The following EFCAB5 variants were observed in gnomAD, a reference collection of about 807,000 sequenced individuals.
EFCAB5 encodes EF-hand calcium-binding domain-containing protein 5.
EFCAB5 carries 131 observed loss-of-function variants against 167.9 expected under a neutral mutation model. That is an observed-to-expected ratio of 0.78 (90% confidence interval 0.68 to 0.90). The LOEUF is 0.90. Among genes scored for constraint, EFCAB5 ranks in the 40% least tolerant of loss-of-function variants. The probability of loss-of-function intolerance (pLI) is 0.00; values close to 1 mark genes in which losing one functional copy is unlikely to be tolerated. For missense variants in EFCAB5, 1,663 were observed against 1,745.2 expected, an observed-to-expected ratio of 0.95 and a Z score of 0.84; for synonymous variants, 574 against 602.8, an observed-to-expected ratio of 0.95 and a Z score of 0.70.
chr17:29,996,850 TTC>T (rs1284700124), intron 6 of EFCAB5, among the ~76,000 whole-genome samples: 1 of 152,188 alleles, frequency 6.6e-6, no homozygotes, highest in African/African-American at 2.4e-5. Context: ...CCTGGGGTCA[TTC>T]TCTGTTTCTC....
intron 3 of EFCAB5, among the ~76,000 whole-genome samples, chr17:29,944,851 A>G (rs1020975559): frequency 5.3e-5 from 8 of 151,556 alleles, no homozygotes; most frequent in Non-Finnish European, 1.2e-4. Flanking sequence ...TCAAACTCCC[A>G]ACCTCAGGTG....
intron 15 of EFCAB5, among the ~76,000 whole-genome samples, chr17:30,079,127 G>A (rs1277228593): frequency 6.6e-6 from 1 of 152,128 alleles, no homozygotes. Context: ...CTAATCCAGG[G>A]AACCTATGCC....
intron 14 of EFCAB5, among the ~76,000 whole-genome samples, chr17:30,067,306 G>T (rs1018173636): frequency 2.6e-5 from 4 of 152,068 alleles, no homozygotes; most frequent in African/African-American, 7.2e-5. Flanking sequence ...ACATTAAAAA[G>T]ATCATTCACA....
In EFCAB5 at chr17:30,053,291, AGTTGTGG is replaced by A; in HGVS notation, c.1339_1345del (p.Leu447GlufsTer20). 2 of 1,610,604 alleles carry A rather than the reference AGTTGTGG, an allele frequency of 1.2e-6. No homozygotes were observed. The highest frequency in any genetic ancestry group is 1.7e-6 in the Non-Finnish European group (2 of 1,177,950). Reference sequence around the variant, plus strand: ...GAATTTGAAGAGATAAACTTGACTGAGTTGTGGGGAGACATGGATAATCAGAAACACA... The same window carrying A: ...GAATTTGAAGAGATAAACTTGACTGAGGAGACATGGATAATCAGAAACACA... On this transcript the variant is annotated frameshift_variant, in exon 10 of 23. Transcript: ENST00000394835. LOFTEE classifies it high-confidence loss of function.
chr17:30,035,389 T>C (rs1034695283), intron 8 of EFCAB5, among the ~76,000 whole-genome samples: 5 of 152,214 alleles, frequency 3.3e-5, no homozygotes, highest in African/African-American at 4.8e-5. Flanking sequence ...TTTCTTCCCA[T>C]CATTCAAGCA....
At chr17:30,067,230 C>T (rs537525780) in intron 14 of EFCAB5, among the ~76,000 whole-genome samples, 3 of 152,236 alleles carry the variant, frequency 2.0e-5, no homozygotes, top group East Asian at 3.9e-4. Flanking sequence ...AATTATAAGC[C>T]GGTATCCCTA....
intron 1 of EFCAB5, among the ~76,000 whole-genome samples, chr17:29,932,646 G>A (rs2151504296): frequency 6.6e-6 from 1 of 151,146 alleles, no homozygotes; most frequent in East Asian, 2.0e-4. Flanking sequence ...TAGTAGATAT[G>A]GGGGTTTCAC....
chr17:29,954,547 C>T (rs1202577167), intron 3 of EFCAB5, among the ~76,000 whole-genome samples: 1 of 152,184 alleles, frequency 6.6e-6, no homozygotes, highest in Non-Finnish European at 1.5e-5. Context: ...GCCTAGATTT[C>T]AAGGATGTAT....
At chr17:29,962,539 T>G (rs2067740522) in intron 3 of EFCAB5, among the ~76,000 whole-genome samples, 1 of 151,868 alleles carries the variant, frequency 6.6e-6, no homozygotes, top group East Asian at 1.9e-4. Context: ...GATGTAATCA[T>G]AGCTCACTGC....
chr17:29,995,043 C>T (rs1472111229), intron 5 of EFCAB5, among the ~76,000 whole-genome samples: 3 of 152,134 alleles, frequency 2.0e-5, no homozygotes, highest in Non-Finnish European at 2.9e-5. Flanking sequence ...CTCATTGAAA[C>T]TCTCACAAAA....
rs181096010 is a variant in EFCAB5, at chr17:29,933,457, A to C, written c.-127+4128A>C. 5.1e-4 allele frequency among the ~76,000 whole-genome samples: 77 copies of C among 152,254 alleles called. 1 individual carries two copies. Among genetic ancestry groups the C allele is most frequent in the Admixed American group, 1.9e-3 (29 of 15,294 alleles). Reference sequence around the variant, plus strand: ...AGGTCTTCTGGTGAACTGAGAGAGGAGATATCTTCTAATAGAGTGAAGAGC... The same window carrying C: ...AGGTCTTCTGGTGAACTGAGAGAGGCGATATCTTCTAATAGAGTGAAGAGC... On this transcript the variant is annotated intron_variant, in intron 1 of 3. Transcript: ENST00000448319.
chr17:30,023,552 C>T (rs968956837), intron 7 of EFCAB5, among the ~76,000 whole-genome samples: 1 of 151,958 alleles, frequency 6.6e-6, no homozygotes, highest in African/African-American at 2.4e-5. Flanking sequence ...GCTTACCAAC[C>T]AAAAAGAGTC....
intron 18 of EFCAB5, among the ~76,000 whole-genome samples, chr17:30,085,594 G>T (rs1018315329): frequency 6.6e-6 from 1 of 152,046 alleles, no homozygotes; most frequent in Non-Finnish European, 1.5e-5. Flanking sequence ...GGTGGCGGGC[G>T]CCTGTCCCAG....
upstream of EFCAB5, among the ~76,000 whole-genome samples, chr17:29,940,604 A>G (rs1206844317): frequency 3.3e-5 from 5 of 152,210 alleles, no homozygotes; most frequent in Admixed American, 6.5e-5. Flanking sequence ...GAGCTATCAC[A>G]TAAATTTATT....
chr17:29,990,041 A>T (rs1163277037), intron 4 of EFCAB5, among the ~76,000 whole-genome samples: 1 of 152,134 alleles, frequency 6.6e-6, no homozygotes, highest in East Asian at 1.9e-4. Flanking sequence ...TGTGCTCCCC[A>T]TTGTGGTAAT....
rs751716437 is a variant in EFCAB5 at position 30,090,687 on chromosome 17, T to C, written c.3937+13T>C. ...AAATATATCTTAGGTATCGTTCATG[T>C]GGCATCAGTCTAAATTCACAGGTTT... is the stretch of plus-strand genomic sequence containing the variant. On this transcript the variant is annotated intron_variant, in intron 20 of 22. Transcript: ENST00000394835. 2 of 1,604,550 alleles carry C rather than the reference T, an allele frequency of 1.2e-6. No individual in the cohort carries two copies. The highest frequency in any genetic ancestry group is 1.7e-6 in the Non-Finnish European group (2 of 1,176,256).
chr17:29,987,884 G>A (rs2068323137), intron 4 of EFCAB5, among the ~76,000 whole-genome samples: 1 of 152,182 alleles, frequency 6.6e-6, no homozygotes, highest in Non-Finnish European at 1.5e-5. Flanking sequence ...CCCAGATGAA[G>A]TGAGAAAAGG....
At chr17:29,968,326 G>A (rs1039578854) in intron 3 of EFCAB5, 6 of 454,324 alleles carry the variant, frequency 1.3e-5, no homozygotes, top group African/African-American at 8.1e-5. Context: ...CTTTACCAGC[G>A]ATTGGTCTGG....
intron 22 of EFCAB5, among the ~76,000 whole-genome samples, chr17:30,097,825 C>G (rs1469498412): frequency 6.6e-6 from 1 of 151,972 alleles, no homozygotes; most frequent in African/African-American, 2.4e-5. Flanking sequence ...TAATTCCCAC[C>G]CCTTCCATTT....
Sources: allele counts gnomAD v4.1 joint callset (sites outside exome capture counted in the v4.1 genomes callset), GRCh38; gene constraint gnomAD v4.1.1; transcripts MANE v1.5; gene names NCBI Gene and HGNC (gene_info 2026-07-23, HGNC 2026-07-21).